Variants in NOL4L observed in about 807,000 individuals in gnomAD.
NOL4L encodes nucleolar protein 4 like.
Under a neutral mutation model 64.5 loss-of-function variants are expected in NOL4L, and 7 were observed. The observed-to-expected ratio is 0.11, with a 90% CI of 0.06 to 0.20. The LOEUF is 0.20. Ranked by LOEUF, NOL4L falls within the 10% of genes least tolerant of loss-of-function variation. The probability of loss-of-function intolerance (pLI) is 1.00; values close to 1 mark genes in which losing one functional copy is unlikely to be tolerated. For missense variants in NOL4L, 680 were observed against 967.1 expected (o/e 0.70, Z 3.94); for synonymous variants, 413 against 401.0 (o/e 1.03, Z -0.36).
Position 32,584,715 on chromosome 20 carries a change from C to T in NOL4L, c.176G>A (p.Gly59Asp). 2 of 1,548,474 alleles carry T rather than the reference C, an allele frequency of 1.3e-6. No homozygotes were observed. Among genetic ancestry groups the T allele is most frequent in the East Asian group, 2.5e-5 (1 of 40,800 alleles). ...GCCGCTGCCCGCGCCAGTCCCGCCG[C>T]CGCCCTGCAGGACCTCGGCGATCCG... ...YQRIAEVLQG[G>D]GGTGAGSGPA... Residue 59 changes from glycine (G) to aspartate (D), a missense_variant, in exon 1 of 11, where the codon GGC becomes GAC. Transcript: ENST00000621426.
Position 32,564,649 on chromosome 20 carries a change from C to T in NOL4L, c.321+19921G>A, listed in dbSNP as rs116869390. On this transcript the variant is annotated intron_variant, in intron 1 of 10. Transcript: ENST00000621426. ...CTGTGTGCTTCAGGACACAATCTTC[C>T]CTCTTTGTGCCTCAGTTTCTTCATC... Among the ~76,000 whole-genome samples, 60 of 152,352 alleles carry T rather than the reference C, an allele frequency of 3.9e-4. No homozygotes were observed. In the East Asian group the frequency reaches 0.011, roughly 27 times the overall value.
At chr20:32,527,331 A>G (rs1229454694) in intron 2 of NOL4L, among the ~76,000 whole-genome samples, 1 of 152,140 alleles carries the variant, frequency 6.6e-6, no homozygotes, top group African/African-American at 2.4e-5. Context: ...ACATAGGAAG[A>G]GCTCAGGACA....
chr20:32,544,980 G>C (rs1160383400), intron 1 of NOL4L, among the ~76,000 whole-genome samples: 9 of 152,230 alleles, frequency 5.9e-5, no homozygotes, highest in Admixed American at 2.6e-4. Flanking sequence ...TTGACAGCCA[G>C]GTTCAGATCT....
At chr20:32,483,253 C>G (rs1398809727) in intron 4 of NOL4L, 1 of 629,792 alleles carries the variant, frequency 1.6e-6, no homozygotes, top group African/African-American at 2.0e-5. Context: ...CCCAGCCCCT[C>G]GCCCCCCTAA....
rs559971970 is a variant in NOL4L, at chr20:32,585,038, C to G, written c.-148G>C. ...GGCTCCGGCGAGGCTGCTGGATGGG[C>G]GCGGGCGGCGGCCGGACGCGCGGGG... On this transcript the variant is annotated 5_prime_UTR_variant, in exon 1 of 11. Transcript: ENST00000621426. 1.8e-3 allele frequency: 510 copies of G among 285,764 alleles called. 2 individuals carry two copies. The highest frequency in any genetic ancestry group is 6.4e-3 in the African/African-American group (277 of 43,444). 17.7% of individuals were successfully genotyped at this position (285,764 alleles called of 1,614,324 possible).
chr20:32,551,479 C>T (rs1329538683), intron 1 of NOL4L, among the ~76,000 whole-genome samples: 2 of 152,148 alleles, frequency 1.3e-5, no homozygotes, highest in Non-Finnish European at 2.9e-5. Flanking sequence ...ACCAAAATGT[C>T]TTTAAGTGGT....
At chr20:32,507,758 C>T (rs2017192963) in intron 4 of NOL4L, among the ~76,000 whole-genome samples, 1 of 152,118 alleles carries the variant, frequency 6.6e-6, no homozygotes, top group African/African-American at 2.4e-5. Flanking sequence ...GCCTGTAATC[C>T]CAGCACTTTG....
chr20:32,533,715 C>G (rs1268052829), intron 1 of NOL4L, among the ~76,000 whole-genome samples: 2 of 152,202 alleles, frequency 1.3e-5, no homozygotes, highest in South Asian at 4.1e-4. Flanking sequence ...ATTTTTAAGT[C>G]CTCCCTGGCA....
At chr20:32,459,246 CTT>C (rs371056802) in intron 5 of NOL4L, among the ~76,000 whole-genome samples, 31 of 140,126 alleles carry the variant, frequency 2.2e-4, no homozygotes, top group African/African-American at 4.1e-4. Flanking sequence ...ACATGGTTTA[CTT>C]TTTTTTTTTT....
intron 1 of NOL4L, chr20:32,537,049 C>G: frequency 1.0e-6 from 1 of 984,456 alleles, no homozygotes; most frequent in African/African-American, 1.7e-5. Context: ...CCCGGCGCAC[C>G]TGCCCTGCCC....
rs1417713033 is a variant in NOL4L, at chr20:32,453,459, G to A, written c.1342C>T (p.Arg448Cys). Residue 448 changes from arginine (R) to cysteine (C), a missense_variant, in exon 8 of 11, where the codon CGC becomes TGC. Around this residue, in one of 4 missense-constraint regions of NOL4L, gnomAD observed 70 missense variants for 166.1 expected, o/e 0.42. Transcript: ENST00000621426. This position sits in a 1 kb window ranked among gnomAD's most constrained non-coding sequence, Gnocchi z 5.6. ...GGCTGCTTGGAGATGGGCACCATGCGGTCCAGGTTCTCGTCCACAAAGAGA... is the reference window on the plus strand; with the variant it reads ...GGCTGCTTGGAGATGGGCACCATGCAGTCCAGGTTCTCGTCCACAAAGAGA... ...VRLFVDENLD[R>C]MVPISKQPKE... 2 of 1,614,080 alleles carry A rather than the reference G, an allele frequency of 1.2e-6. No individual in the cohort carries two copies. The highest frequency in any genetic ancestry group is 1.7e-6 in the Non-Finnish European group (2 of 1,180,008).
intron 1 of NOL4L, among the ~76,000 whole-genome samples, chr20:32,543,387 A>G (rs186754971): frequency 1.0e-3 from 158 of 152,322 alleles, no homozygotes; most frequent in African/African-American, 3.8e-3. Context: ...TGGGAGGCCC[A>G]GGTGGGTGGA....
intron 1 of NOL4L, among the ~76,000 whole-genome samples, chr20:32,534,002 G>A (rs192490749): frequency 3.3e-5 from 5 of 152,326 alleles, no homozygotes. Context: ...ATGGATTGCA[G>A]TTCTGTCATC....
Position 32,456,257 on chromosome 20 carries a change from G to A in NOL4L, c.980C>T (p.Ala327Val). ...CAGGTTGATGGGCTGATCCTCGGCG[G>A]CCGTGGTGAAGTCCATGGGGGCCAC... is the stretch of plus-strand genomic sequence containing the variant. ...GAVAPMDFTTAAEDQPINLCD... is the reference protein window; with the variant it reads ...GAVAPMDFTTVAEDQPINLCD... Residue 327 changes from alanine (A) to valine (V), a missense_variant, in exon 6 of 11, where the codon GCC becomes GTC. Ala to Val is a moderately conservative substitution (Grantham distance 64, BLOSUM62 0). This residue lies in a region of NOL4L where 254 missense variants were observed against 238.7 expected (regional missense o/e 1.06). Coordinates refer to ENST00000621426, the MANE Select transcript of NOL4L (RefSeq NM_001256798.2). 1 of 1,605,606 alleles carries A rather than the reference G, an allele frequency of 6.2e-7. No individual in the cohort carries two copies. The highest frequency in any genetic ancestry group is 2.3e-5 in the East Asian group (1 of 44,146).
intron 3 of NOL4L, among the ~76,000 whole-genome samples, chr20:32,514,647 C>T (rs1370919186): frequency 6.6e-6 from 1 of 152,020 alleles, no homozygotes; most frequent in Admixed American, 6.6e-5. Context: ...GTTTCCACCC[C>T]ACCGTCAACC....
intron 4 of NOL4L, among the ~76,000 whole-genome samples, chr20:32,501,607 T>A (rs567057636): frequency 6.6e-5 from 10 of 151,834 alleles, no homozygotes; most frequent in Non-Finnish European, 1.5e-4. Flanking sequence ...TGTCGAGGAG[T>A]GGGCAATGTG....
chr20:32,572,040 C>T (rs1159064116), intron 1 of NOL4L, among the ~76,000 whole-genome samples: 1 of 152,204 alleles, frequency 6.6e-6, no homozygotes, highest in African/African-American at 2.4e-5. Context: ...CCCAACTCCC[C>T]AGCCTGGGAT....
At chr20:32,471,003 A>G (rs1311288673) in intron 5 of NOL4L, among the ~76,000 whole-genome samples, 2 of 152,210 alleles carry the variant, frequency 1.3e-5, no homozygotes, top group Non-Finnish European at 2.9e-5. Context: ...CTGTGATCGC[A>G]GGGACCTGGG....
intron 5 of NOL4L, among the ~76,000 whole-genome samples, chr20:32,467,232 C>T (rs2014634120): frequency 1.3e-5 from 2 of 152,192 alleles, no homozygotes; most frequent in African/African-American, 4.8e-5. Context: ...ACTGACTCCT[C>T]GCTGCCTGCT....
Sources: gnomAD v4.1 joint callset for allele counts (sites outside exome capture counted in the v4.1 genomes callset) on GRCh38, gnomAD v4.1.1 for gene constraint, gnomAD v4.1.1 regional missense constraint, Gnocchi (gnomAD v3.1) non-coding constraint, MANE v1.5 for transcripts, NCBI Gene and HGNC (gene_info 2026-07-23, HGNC 2026-07-21) for gene names.